The following FBXW10B variants were observed in gnomAD, a reference collection of about 807,000 sequenced individuals.
The protein encoded by FBXW10B is F-box and WD repeat domain containing protein 10B.
the FBXW10B span, among the ~76,000 whole-genome samples, chr17:15,590,676 T>C: frequency 1.1e-4 from 16 of 150,236 alleles, no homozygotes; most frequent in African/African-American, 3.7e-4. Context: ...AACTGTCCTC[T>C]TCCCTCTTAT....
At chr17:15,616,327 A>G in the FBXW10B span, among the ~76,000 whole-genome samples, 1 of 151,566 alleles carries the variant, frequency 6.6e-6, no homozygotes, top group African/African-American at 2.4e-5. Context: ...AGTGCATGAC[A>G]CCTGGCTATT....
At chr17:15,586,798 G>A in the FBXW10B span, among the ~76,000 whole-genome samples, 1 of 151,642 alleles carries the variant, frequency 6.6e-6, no homozygotes, top group Non-Finnish European at 1.5e-5. Flanking sequence ...TTTGATGCAG[G>A]AGGTTAATAG....
At chr17:15,592,956 T>C in the FBXW10B span, among the ~76,000 whole-genome samples, 3 of 149,692 alleles carry the variant, frequency 2.0e-5, no homozygotes, top group East Asian at 3.9e-4. Context: ...TACTAAAAAT[T>C]AGCCGGGCAT....
chr17:15,607,536 G>A, the FBXW10B span: 80 of 1,592,142 alleles, frequency 5.0e-5, no homozygotes, highest in East Asian at 1.5e-3. Context: ...GATAACTCAA[G>A]CGTCCCTAGA....
At chr17:15,612,666 C>T in the FBXW10B span, 2 of 1,613,682 alleles carry the variant, frequency 1.2e-6, no homozygotes, top group South Asian at 2.2e-5. Context: ...ATGAGACGCT[C>T]ACAGCTACTT....
chr17:15,571,065 G>A, the FBXW10B span, among the ~76,000 whole-genome samples: 1 of 152,312 alleles, frequency 6.6e-6, no homozygotes, highest in African/African-American at 2.4e-5. Flanking sequence ...GACAAAAGGG[G>A]CCGGGCACAG....
At chr17:15,593,421 T>G in the FBXW10B span, 1 of 1,614,054 alleles carries the variant, frequency 6.2e-7, no homozygotes, top group Middle Eastern at 1.6e-4. Flanking sequence ...ATTGAAGAAA[T>G]TGTAAATTCG....
the FBXW10B span, chr17:15,618,941 C>A: frequency 6.3e-7 from 1 of 1,575,474 alleles, no homozygotes; most frequent in Non-Finnish European, 8.6e-7. Flanking sequence ...CAGTTCCTTA[C>A]AGATTTCTGA....
chr17:15,601,302 G>A, the FBXW10B span, among the ~76,000 whole-genome samples: 1 of 149,518 alleles, frequency 6.7e-6, no homozygotes, highest in South Asian at 2.1e-4. Flanking sequence ...CCAGCTACTC[G>A]GGAGGCTGAG....
chr17:15,614,240 G>A, the FBXW10B span, among the ~76,000 whole-genome samples: 19 of 152,112 alleles, frequency 1.2e-4, no homozygotes, highest in Admixed American at 1.2e-3. Flanking sequence ...CCAGGTTGGA[G>A]TGTAGTGGCG....
At chr17:15,567,191 G>A in the FBXW10B span, among the ~76,000 whole-genome samples, 17 of 150,494 alleles carry the variant, frequency 1.1e-4, no homozygotes, top group South Asian at 2.1e-3. Flanking sequence ...AGAATCACTC[G>A]AACTCAGGAG....
the FBXW10B span, among the ~76,000 whole-genome samples, chr17:15,597,525 C>A: frequency 1.3e-5 from 2 of 151,130 alleles, no homozygotes; most frequent in Non-Finnish European, 2.9e-5. Flanking sequence ...CCCAGCTACT[C>A]GGGAGGCTGA....
At chr17:15,571,881 C>T in the FBXW10B span, 32 of 149,894 alleles carry the variant, frequency 2.1e-4, no homozygotes, top group Non-Finnish European at 4.6e-4. Flanking sequence ...CAAAAGACAG[C>T]ATGTCGTATG....
At chr17:15,601,317 G>A in the FBXW10B span, among the ~76,000 whole-genome samples, 1 of 148,800 alleles carries the variant, frequency 6.7e-6, no homozygotes, top group African/African-American at 2.5e-5. Context: ...GCTGAGGAAG[G>A]AGAATGGCGT....
At chr17:15,603,907 C>G in the FBXW10B span, among the ~76,000 whole-genome samples, 1 of 126,662 alleles carries the variant, frequency 7.9e-6, no homozygotes, top group African/African-American at 3.8e-5. Flanking sequence ...CCCTTCTCTA[C>G]TAAAAAATAC....
the FBXW10B span, among the ~76,000 whole-genome samples, chr17:15,617,961 C>T: frequency 4.6e-5 from 7 of 152,340 alleles, no homozygotes; most frequent in South Asian, 2.1e-4. Context: ...GATTCTCCAA[C>T]ACCCTAGGCC....
At chr17:15,576,629 C>T in the FBXW10B span, among the ~76,000 whole-genome samples, 21 of 151,488 alleles carry the variant, frequency 1.4e-4, no homozygotes, top group East Asian at 3.9e-4. Flanking sequence ...AGCTTGGTGA[C>T]GCTGACAGGG....
the FBXW10B span, among the ~76,000 whole-genome samples, chr17:15,606,694 C>A: frequency 1.3e-5 from 2 of 151,330 alleles, no homozygotes; most frequent in Non-Finnish European, 2.9e-5. Flanking sequence ...AGGAGCAATT[C>A]TTGATATTTT....
chr17:15,573,928 AT>A, the FBXW10B span: 1 of 467,100 alleles, frequency 2.1e-6, no homozygotes, highest in African/African-American at 2.0e-5. Context: ...ATGCAATGAC[AT>A]TGTCATTTGT....
Sources: allele counts gnomAD v4.1 joint callset (sites outside exome capture counted in the v4.1 genomes callset), GRCh38; gene constraint gnomAD v4.1.1; transcripts MANE v1.5; gene names NCBI Gene and HGNC (gene_info 2026-07-23, HGNC 2026-07-21).